ZMYND11: variants seen among roughly 807,000 people sequenced by gnomAD.
ZMYND11 encodes zinc finger MYND-type containing 11, also known as zinc finger MYND domain-containing protein 11.
ZMYND11 carries 9 observed loss-of-function variants against 84.9 expected under a neutral mutation model. That is an observed-to-expected ratio of 0.11 (90% CI 0.06 to 0.18). ZMYND11 has a LOEUF of 0.18. Ranked by LOEUF, ZMYND11 falls within the 10% of genes least tolerant of loss-of-function variation. ZMYND11 has a pLI of 1.00. For missense variants in ZMYND11, 409 were observed against 761.0 expected (o/e 0.54, Z 5.44); for synonymous variants, 250 against 244.1 (o/e 1.02, Z -0.23).
chr10:164,183 C>G (rs926229306), intron 1 of ZMYND11, among the ~76,000 whole-genome samples: 32 of 152,236 alleles, frequency 2.1e-4, no homozygotes, highest in African/African-American at 6.5e-4. Flanking sequence ...CAGTATAGCT[C>G]TCATCTGCTT....
In ZMYND11 at chr10:248,966, G is replaced by A; in HGVS notation, c.1564G>A (p.Gly522Ser). 6.2e-7 allele frequency: 1 copy of A among 1,614,196 alleles called. No individual in the cohort carries two copies. Among genetic ancestry groups the A allele is most frequent in the Non-Finnish European group, 8.5e-7 (1 of 1,180,038 alleles). ...AVNKAVANMQ[G>S]EMDRKCKQVK... ...AAATAAAGCTGTAGCCAACATGCAGGGTGAGATGGACAGAAAATGTAAGCA... is the reference window on the plus strand; with the variant it reads ...AAATAAAGCTGTAGCCAACATGCAGAGTGAGATGGACAGAAAATGTAAGCA... The change falls in exon 14 of 15, where the codon GGT (glycine) becomes AGT (serine). Residue 522 changes from glycine to serine, a missense_variant. By Grantham distance (56) the Gly-to-Ser change is moderately conservative (BLOSUM62 0). Around this residue, in one of 7 missense-constraint regions of ZMYND11, gnomAD observed 141 missense variants for 173.8 expected, o/e 0.81. Transcript: ENST00000381604.
chr10:251,153 T>G (rs919470557), intron 14 of ZMYND11, among the ~76,000 whole-genome samples: 5 of 152,198 alleles, frequency 3.3e-5, no homozygotes, highest in Non-Finnish European at 7.3e-5. Context: ...CACAGATAGA[T>G]GTATCCATTA....
At chr10:158,692 A>G (rs1168640884) in intron 1 of ZMYND11, among the ~76,000 whole-genome samples, 1 of 151,170 alleles carries the variant, frequency 6.6e-6, no homozygotes, top group Non-Finnish European at 1.5e-5. Flanking sequence ...AAGTGCTGGC[A>G]TTACAGGCGT....
chr10:238,809 C>T (rs1023423321), intron 6 of ZMYND11, among the ~76,000 whole-genome samples: 2 of 152,178 alleles, frequency 1.3e-5, no homozygotes, highest in African/African-American at 4.8e-5. Context: ...ATAGCCCCTT[C>T]TAAACTGTAA....
intron 2 of ZMYND11, among the ~76,000 whole-genome samples, chr10:185,505 A>C (rs973512184): frequency 6.7e-6 from 1 of 148,458 alleles, no homozygotes; most frequent in African/African-American, 2.5e-5. Flanking sequence ...AAAAAAAAAA[A>C]AAAAGCGTGG....
chr10:183,802 CT>C (rs1848374865), intron 2 of ZMYND11, among the ~76,000 whole-genome samples: 1 of 152,162 alleles, frequency 6.6e-6, no homozygotes, highest in Admixed American at 6.5e-5. Flanking sequence ...CAGTTGGAGC[CT>C]GTGCAGTGCT....
chr10:248,505 T>C lies in ZMYND11; in HGVS notation c.1397T>C (p.Met466Thr). The C allele has an allele frequency of 1.2e-6, 2 of 1,614,170 alleles. No homozygotes were observed. Among genetic ancestry groups the C allele is most frequent in the South Asian group, 1.1e-5 (1 of 91,086 alleles). Reference protein sequence around the residue: ...QTTNDGVCQSMCHDKYTKIFN... With the variant: ...QTTNDGVCQSTCHDKYTKIFN... ...ACAAACGACGGCGTGTGTCAGAGCATGTGCCATGACAAATACACCAAGATC... is the reference window on the plus strand; with the variant it reads ...ACAAACGACGGCGTGTGTCAGAGCACGTGCCATGACAAATACACCAAGATC... Residue 466 changes from methionine to threonine, a missense_variant, in exon 13 of 15, where the codon ATG becomes ACG. Transcript: ENST00000381604.
intron 1 of ZMYND11, among the ~76,000 whole-genome samples, chr10:154,071 T>G (rs1377729019): frequency 6.6e-6 from 1 of 152,238 alleles, no homozygotes; most frequent in Admixed American, 6.5e-5. Context: ...ACTGTTTAAT[T>G]GATCGTCATC....
chr10:242,514 T>TAACATAC (rs1951207156), intron 10 of ZMYND11, among the ~76,000 whole-genome samples: 1 of 152,162 alleles, frequency 6.6e-6, no homozygotes, highest in African/African-American at 2.4e-5. Flanking sequence ...TAAAGACATA[T>TAACATAC]AGACTAAAAT....
At chr10:202,198 T>G (rs1943305625) in intron 2 of ZMYND11, among the ~76,000 whole-genome samples, 1 of 152,188 alleles carries the variant, frequency 6.6e-6, no homozygotes, top group Admixed American at 6.5e-5. Context: ...TCAAATATAT[T>G]TGGCCTGTAA....
intron 1 of ZMYND11, among the ~76,000 whole-genome samples, chr10:137,176 CAT>C (rs1423530080): frequency 6.6e-6 from 1 of 152,052 alleles, no homozygotes; most frequent in Non-Finnish European, 1.5e-5. Flanking sequence ...TACCGAGTGT[CAT>C]ATGTACTGTG....
At chr10:169,598 A>G (rs1344301127) in intron 1 of ZMYND11, among the ~76,000 whole-genome samples, 2 of 152,174 alleles carry the variant, frequency 1.3e-5, no homozygotes, top group Non-Finnish European at 2.9e-5. Context: ...TGGAAATTCT[A>G]AGAAGGAATC....
intron 2 of ZMYND11, among the ~76,000 whole-genome samples, chr10:207,992 G>A (rs1281726463): frequency 3.3e-5 from 5 of 151,990 alleles, no homozygotes; most frequent in South Asian, 2.1e-4. Context: ...AAATAATGCC[G>A]CATATCTACA....
intron 1 of ZMYND11, among the ~76,000 whole-genome samples, chr10:151,803 G>A (rs990830685): frequency 1.3e-5 from 2 of 152,030 alleles, no homozygotes; most frequent in African/African-American, 4.8e-5. Flanking sequence ...AGATGTTAAG[G>A]GCAGCCAATG....
At chr10:184,822 A>G (rs1019280303) in intron 2 of ZMYND11, among the ~76,000 whole-genome samples, 1 of 151,906 alleles carries the variant, frequency 6.6e-6, no homozygotes, top group African/African-American at 2.4e-5. Context: ...AGTTCTCCCT[A>G]TGCCATGTTT....
intron 11 of ZMYND11, 97 bp downstream of exon 11, chr10:247,070 T>G: frequency 7.9e-6 from 10 of 1,262,460 alleles, no homozygotes; most frequent in Non-Finnish European, 1.0e-5. Context: ...GATTTTGACG[T>G]TCTCCTTCCC....
At chr10:150,670 C>T (rs555550895) in intron 1 of ZMYND11, among the ~76,000 whole-genome samples, 9 of 152,244 alleles carry the variant, frequency 5.9e-5, no homozygotes, top group East Asian at 1.9e-4. Flanking sequence ...AGGGCATAGC[C>T]GAACAAAAGG....
At chr10:199,236 T>C (rs1942514262) in intron 2 of ZMYND11, among the ~76,000 whole-genome samples, 1 of 151,604 alleles carries the variant, frequency 6.6e-6, no homozygotes, top group Non-Finnish European at 1.5e-5. Context: ...TCTCTCTCTC[T>C]CCCTTCCCCC....
chr10:151,083 A>G (rs1554756879), intron 1 of ZMYND11, among the ~76,000 whole-genome samples: 2 of 152,240 alleles, frequency 1.3e-5, no homozygotes, highest in Admixed American at 1.3e-4. Context: ...CCATCATCAA[A>G]GACCAAAGGT....
Sources: allele counts gnomAD v4.1 joint callset (sites outside exome capture counted in the v4.1 genomes callset), GRCh38; gene constraint gnomAD v4.1.1; regional missense constraint gnomAD v4.1.1; transcripts MANE v1.5; gene names NCBI Gene and HGNC (gene_info 2026-07-23, HGNC 2026-07-21).